Variants in POLR3F observed in about 807,000 individuals in gnomAD.
POLR3F encodes DNA-directed RNA polymerase III subunit RPC6.
POLR3F carries 31 observed loss-of-function variants against 43.6 expected under a neutral mutation model. That is an observed-to-expected ratio of 0.71 (90% CI 0.53 to 0.96). The LOEUF is 0.96. Ranked by LOEUF, POLR3F falls within the 40% of genes least tolerant of loss-of-function variation. The pLI is 0.00. For synonymous variants in POLR3F, 114 were observed against 132.5 expected (o/e 0.86, Z 0.96); for missense variants, 316 against 391.7 (o/e 0.81, Z 1.63).
At chr20:18,473,346 A>G in intron 3 of POLR3F, 45 bp from the exon 4 acceptor site, 1 of 819,262 alleles carries the variant, frequency 1.2e-6, no homozygotes. Context: ...TTATTAGATT[A>G]TCCTATAGTC....
chr20:18,472,878 T>G lies in POLR3F; in HGVS notation c.217T>G (p.Leu73Val). 1 of 1,518,288 alleles carries G rather than the reference T, an allele frequency of 6.6e-7. No individual in the cohort carries two copies. Among genetic ancestry groups the G allele is most frequent in the Non-Finnish European group, 9.1e-7 (1 of 1,104,884 alleles). The allele number at this position is 1,518,288 out of a possible 1,614,324, so 94.1% of individuals were successfully genotyped here. ...LDLLRSNTGLLYRIKDSQNAG... is the reference protein window; with the variant it reads ...LDLLRSNTGLVYRIKDSQNAG... ...TCTCTTAAGGAGCAATACGGGCCTT[T>G]TATATAGAATAAAGGACTCTCAGAA... The change falls in exon 3 of 9, where the codon TTA becomes GTA. Residue 73 changes from leucine to valine, a missense_variant. By Grantham distance (32) the Leu-to-Val change is conservative. Around this residue, in one of 3 missense-constraint regions of POLR3F, gnomAD observed 122 missense variants for 133.8 expected, o/e 0.91. Transcript: ENST00000377603.
At chr20:18,477,018 G>A (rs1173459607) in intron 5 of POLR3F, among the ~76,000 whole-genome samples, 2 of 149,804 alleles carry the variant, frequency 1.3e-5, no homozygotes, top group Admixed American at 6.7e-5. Context: ...AGGTTGCAGT[G>A]AGCAAGATTG....
intron 5 of POLR3F, among the ~76,000 whole-genome samples, chr20:18,479,358 G>C (rs1429783596): frequency 6.7e-6 from 1 of 150,210 alleles, no homozygotes; most frequent in Non-Finnish European, 1.5e-5. Flanking sequence ...AGCTGGGCAT[G>C]GTGGCACATG....
chr20:18,483,544 T>G lies in POLR3F; in HGVS notation c.937T>G (p.Trp313Gly), dbSNP rs2148869407. 2 of 1,489,300 alleles carry G rather than the reference T, an allele frequency of 1.3e-6. No homozygotes were observed. Among genetic ancestry groups the G allele is most frequent in the Admixed American group, 3.9e-5 (2 of 51,556 alleles). 92.3% of individuals were successfully genotyped at this position (1,489,300 alleles called of 1,614,324 possible). Residue 313 changes from tryptophan to glycine, a missense_variant, in exon 9 of 9, where the codon TGG becomes GGG. Trp to Gly is a radical substitution (Grantham distance 184). Transcript: ENST00000377603. Reference sequence around the variant, plus strand: ...ATCTAACTGTATTTACATGACAGAGTGGCTCGAATTTTAATAGAGAGCTAT... The same window carrying G: ...ATCTAACTGTATTTACATGACAGAGGGGCTCGAATTTTAATAGAGAGCTAT... The part of the protein sequence containing the change: ...SPSNCIYMTE[W>G]LEF
At chr20:18,470,611 C>T (rs2059744568) in intron 2 of POLR3F, 2 of 154,826 alleles carry the variant, frequency 1.3e-5, no homozygotes, top group African/African-American at 4.8e-5. Flanking sequence ...CTAGGAAAGA[C>T]AGAGGAAGGG....
intron 6 of POLR3F, 66 bp downstream of exon 6, chr20:18,480,247 A>C: frequency 7.0e-7 from 1 of 1,432,330 alleles, no homozygotes; most frequent in Non-Finnish European, 9.7e-7. Flanking sequence ...AAAGGATTTT[A>C]ATCTATTTAT....
rs990855528 is a variant in POLR3F at position 18,483,588 on chromosome 20, G to A, written c.*30G>A. On this transcript the variant is annotated 3_prime_UTR_variant, in exon 9 of 9. Transcript: ENST00000377603. The stretch of plus-strand genomic sequence containing the variant: ...GAGCTATGAACTTTATTGACATTTT[G>A]CAAATGAAGTTACTTAGGGAGCAGA... The A allele has an allele frequency of 1.0e-6, 1 of 1,000,288 alleles. No individual in the cohort carries two copies. The highest frequency in any genetic ancestry group is 1.8e-5 in the South Asian group (1 of 56,000). The allele number at this position is 1,000,288 out of a possible 1,614,324, so 62.0% of individuals were successfully genotyped here.
chr20:18,481,531 GC>G, intron 7 of POLR3F, 87 bp from the exon 8 acceptor site: 1 of 892,602 alleles, frequency 1.1e-6, no homozygotes, highest in Non-Finnish European at 1.8e-6. Context: ...GAGCCACTGC[GC>G]CCAGCAACCC....
intron 8 of POLR3F, among the ~76,000 whole-genome samples, chr20:18,483,241 T>C (rs2059819919): frequency 6.6e-6 from 1 of 152,148 alleles, no homozygotes; most frequent in South Asian, 2.1e-4. Context: ...ATTTTTGTAT[T>C]CTTAGTAGAG....
rs778255716 is a variant in POLR3F, at chr20:18,481,736, A to G, written c.799A>G (p.Met267Val). 36 of 1,613,124 alleles carry G rather than the reference A, an allele frequency of 2.2e-5. No individual in the cohort carries two copies. Among genetic ancestry groups the G allele is most frequent in the Admixed American group, 1.0e-4 (6 of 60,010 alleles). Reference sequence around the variant, plus strand: ...CACAGTTGGCAGTGTAGATGGACACATGAAACTGTACAGGGCAGTCAATCC... The same window carrying G: ...CACAGTTGGCAGTGTAGATGGACACGTGAAACTGTACAGGGCAGTCAATCC... ...EGTVGSVDGH[M>V]KLYRAVNPII... Residue 267 changes from methionine to valine, a missense_variant, in exon 8 of 9, where the codon ATG becomes GTG. Physicochemically the swap from Met to Val is conservative, Grantham distance 21. Transcript: ENST00000377603.
chr20:18,475,004 C>CA, intron 4 of POLR3F, 71 bp from the exon 5 acceptor site: 1 of 699,532 alleles, frequency 1.4e-6, no homozygotes, highest in Non-Finnish European at 2.5e-6. Flanking sequence ...GAATGAGACA[C>CA]AAGTTAGAGG....
chr20:18,483,594 G>A lies in POLR3F; in HGVS notation c.*36G>A, dbSNP rs762350326. 7 of 926,554 alleles carry A rather than the reference G, an allele frequency of 7.6e-6. No homozygotes were observed. The highest frequency in any genetic ancestry group is 1.1e-5 in the Non-Finnish European group (7 of 611,988). The allele number at this position is 926,554 out of a possible 1,614,324, so 57.4% of individuals were successfully genotyped here. A position where few individuals can be genotyped will look rare whatever the true frequency, so the allele number is the denominator to read the frequency against. ...TGAACTTTATTGACATTTTGCAAAT[G>A]AAGTTACTTAGGGAGCAGATAATTT... is the stretch of plus-strand genomic sequence containing the variant. On this transcript the variant is annotated 3_prime_UTR_variant, in exon 9 of 9. Transcript: ENST00000377603.
rs2059824775 is a variant in POLR3F at position 18,484,048 on chromosome 20, CAA to C, written c.*492_*493del. The C allele has an allele frequency of 2.5e-6, 1 of 398,388 alleles. No individual in the cohort carries two copies. Among genetic ancestry groups the C allele is most frequent in the Non-Finnish European group, 4.4e-6 (1 of 226,004 alleles). The allele number at this position is 398,388 out of a possible 1,614,324, so 24.7% of individuals were successfully genotyped here. Reference sequence around the variant, plus strand: ...TAGAAGGGGTTAAAGGCAGGAATAGCAAAGAGTGCAAACTTGGGGTATGACTG... The same window carrying C: ...TAGAAGGGGTTAAAGGCAGGAATAGCAGAGTGCAAACTTGGGGTATGACTG... On this transcript the variant is annotated 3_prime_UTR_variant, in exon 9 of 9. Transcript: ENST00000377603.
chr20:18,476,828 A>C (rs758333706), intron 5 of POLR3F, among the ~76,000 whole-genome samples: 2 of 152,192 alleles, frequency 1.3e-5, no homozygotes, highest in Non-Finnish European at 2.9e-5. Flanking sequence ...AGAAAACAAC[A>C]CTTTGGGAGG....
At chr20:18,472,400 T>G (rs1320897287) in intron 2 of POLR3F, among the ~76,000 whole-genome samples, 1 of 152,088 alleles carries the variant, frequency 6.6e-6, no homozygotes, top group Non-Finnish European at 1.5e-5. Context: ...GCCAGGCTGG[T>G]CTCAAACTCT....
intron 1 of POLR3F, among the ~76,000 whole-genome samples, chr20:18,467,947 A>C (rs532656188): frequency 6.6e-6 from 1 of 152,310 alleles, no homozygotes; most frequent in East Asian, 1.9e-4. Context: ...CACTAAGGGA[A>C]CGTCTATGAC....
intron 5 of POLR3F, among the ~76,000 whole-genome samples, chr20:18,479,324 G>A (rs907756677): frequency 2.6e-5 from 4 of 150,972 alleles, no homozygotes; most frequent in African/African-American, 7.3e-5. Context: ...TGACACCCCC[G>A]TCTCTGCTAA....
chr20:18,476,043 C>G (rs1420744379), intron 5 of POLR3F, among the ~76,000 whole-genome samples: 1 of 152,122 alleles, frequency 6.6e-6, no homozygotes, highest in African/African-American at 2.4e-5. Flanking sequence ...TTTGTCAGTC[C>G]TCCTTCTACA....
Position 18,484,339 on chromosome 20 carries a change from G to C in POLR3F, c.*781G>C. The C allele has an allele frequency of 2.6e-6, 1 of 390,430 alleles. No homozygotes were observed. The highest frequency in any genetic ancestry group is 4.5e-6 in the Non-Finnish European group (1 of 221,424). The allele number at this position is 390,430 out of a possible 1,614,324, so 24.2% of individuals were successfully genotyped here. ...AGATTCTTATTTAATGTCTGCAGTAGACTGAATGTTTGTGTGCCCCCAGAA... is the reference window on the plus strand; with the variant it reads ...AGATTCTTATTTAATGTCTGCAGTACACTGAATGTTTGTGTGCCCCCAGAA... On this transcript the variant is annotated 3_prime_UTR_variant, in exon 9 of 9. Transcript: ENST00000377603.
Sources: gnomAD v4.1 joint callset for allele counts (sites outside exome capture counted in the v4.1 genomes callset) on GRCh38, gnomAD v4.1.1 for gene constraint, gnomAD v4.1.1 regional missense constraint, MANE v1.5 for transcripts, NCBI Gene and HGNC (gene_info 2026-07-23, HGNC 2026-07-21) for gene names.